The following ANXA8 variants were observed in gnomAD, a reference collection of about 807,000 sequenced individuals.
ANXA8 encodes the protein annexin A8, also known as VAC-beta.
A neutral mutation model predicts 26.8 loss-of-function variants in ANXA8; 9 were observed. The ratio of observed to expected loss-of-function variants is 0.34; its 90% confidence interval spans 0.20 to 0.59. ANXA8 has a LOEUF of 0.59. Ranked by LOEUF, ANXA8 falls within the 20% of genes least tolerant of loss-of-function variation. The pLI, the probability that ANXA8 is intolerant of heterozygous loss-of-function variation, is 0.84. For synonymous variants in ANXA8, 39 were observed against 94.8 expected (o/e 0.41, Z 3.42); for missense variants, 83 against 238.5 (o/e 0.35, Z 4.29).
chr10:47,945,454 C>T, the ANXA8 span, among the ~76,000 whole-genome samples: 48 of 150,950 alleles, frequency 3.2e-4, no homozygotes, highest in East Asian at 2.0e-3. Flanking sequence ...TTTGCCCACC[C>T]GCTGCTGCCT....
At chr10:47,514,616 TAATA>T in the ANXA8 span, among the ~76,000 whole-genome samples, 12 of 64,592 alleles carry the variant, frequency 1.9e-4, 1 homozygote, top group African/African-American at 8.8e-4. Context: ...CCTATGGAAA[TAATA>T]AATAAATAAA....
the ANXA8 span, among the ~76,000 whole-genome samples, chr10:47,651,624 G>C: frequency 6.7e-6 from 1 of 150,094 alleles, no homozygotes; most frequent in Non-Finnish European, 1.5e-5. Flanking sequence ...GCTGGGTGTG[G>C]TGGCACACAC....
the ANXA8 span, among the ~76,000 whole-genome samples, chr10:47,694,915 A>G: frequency 1.2e-4 from 18 of 151,508 alleles, no homozygotes; most frequent in African/African-American, 4.4e-4. Flanking sequence ...TAAAGGACAA[A>G]CAGAATAAGG....
At chr10:47,555,216 T>C in the ANXA8 span, among the ~76,000 whole-genome samples, 40 of 151,946 alleles carry the variant, frequency 2.6e-4, no homozygotes, top group African/African-American at 8.7e-4. Context: ...AGTTTTATTA[T>C]AGAGTAACTC....
At chr10:47,683,139 CATCTT>C in the ANXA8 span, among the ~76,000 whole-genome samples, 1 of 151,520 alleles carries the variant, frequency 6.6e-6, no homozygotes, top group Admixed American at 6.6e-5. Flanking sequence ...GGAAAAAAAT[CATCTT>C]ATATCTTTTC....
chr10:47,488,712 AAT>A (rs1491400743), upstream of ANXA8, among the ~76,000 whole-genome samples: 2,779 of 95,274 alleles, frequency 0.029, 146 homozygotes, highest in Non-Finnish European at 0.039. Context: ...TTACATGTTA[AAT>A]TTTTTTTTTT....
At chr10:47,960,550 G>C in the ANXA8 span, among the ~76,000 whole-genome samples, 3,206 of 149,560 alleles carry the variant, frequency 0.021, 108 homozygotes, top group Middle Eastern at 0.055. Context: ...TAAGAAGCTG[G>C]GGCAAGAGTA....
At position 47,469,985 on chromosome 10, in the gene ANXA8, C is replaced by A. The variant is rs1470301403; in HGVS notation, c.925-1079G>T. Among the ~76,000 whole-genome samples the A allele has an allele frequency of 2.6e-4, 39 of 151,700 alleles. 1 individual carries two copies. The highest frequency in any genetic ancestry group is 9.5e-4 in the African/African-American group (39 of 41,038). ...CCTTGGACTCCTGGGCTCAAGCGAT[C>A]CTCCCGCGTTGGCCTCCCAAAGCAC... is the stretch of plus-strand genomic sequence containing the variant. On this transcript the variant is annotated intron_variant, in intron 11 of 11. Transcript: ENST00000585281.
chr10:47,654,017 C>A, the ANXA8 span, among the ~76,000 whole-genome samples: 3 of 151,604 alleles, frequency 2.0e-5, no homozygotes, highest in Admixed American at 6.6e-5. Context: ...GAGTAGGGTC[C>A]AGTATACAGC....
At chr10:47,907,300 T>C in the ANXA8 span, among the ~76,000 whole-genome samples, 6 of 152,100 alleles carry the variant, frequency 3.9e-5, no homozygotes, top group African/African-American at 1.4e-4. Context: ...GAGCTTGCAG[T>C]GAGCCGAGAT....
At chr10:47,772,581 T>G in the ANXA8 span, among the ~76,000 whole-genome samples, 1 of 152,014 alleles carries the variant, frequency 6.6e-6, no homozygotes, top group African/African-American at 2.4e-5. Context: ...GGATTTCAAT[T>G]CCAATTTTAC....
At chr10:47,681,602 G>C in the ANXA8 span, among the ~76,000 whole-genome samples, 1 of 122,982 alleles carries the variant, frequency 8.1e-6, no homozygotes, top group Middle Eastern at 4.1e-3. Context: ...CACAATCACG[G>C]CTTACTGTAG....
the ANXA8 span, among the ~76,000 whole-genome samples, chr10:47,559,496 A>G: frequency 6.6e-6 from 1 of 151,706 alleles, no homozygotes; most frequent in Non-Finnish European, 1.5e-5. Flanking sequence ...TATATTTTTG[A>G]TAGTTATCTT....
the ANXA8 span, among the ~76,000 whole-genome samples, chr10:47,495,945 G>A: frequency 1.3e-5 from 2 of 151,562 alleles, no homozygotes; most frequent in African/African-American, 4.9e-5. Flanking sequence ...GGTGGTGCCC[G>A]GGGAAGTCCA....
At chr10:47,756,940 A>C in the ANXA8 span, among the ~76,000 whole-genome samples, 1 of 139,910 alleles carries the variant, frequency 7.1e-6, no homozygotes, top group African/African-American at 2.7e-5. Flanking sequence ...CTGCCTCGGG[A>C]AACAGGAGGG....
chr10:47,957,548 G>A, the ANXA8 span, among the ~76,000 whole-genome samples: 3,122 of 149,722 alleles, frequency 0.021, 128 homozygotes, highest in African/African-American at 0.074. Flanking sequence ...TTCCAACCCA[G>A]GCACTTTTGA....
At chr10:47,617,150 T>C in the ANXA8 span, among the ~76,000 whole-genome samples, 1 of 61,458 alleles carries the variant, frequency 1.6e-5, no homozygotes, top group Non-Finnish European at 3.6e-5. Context: ...CATAAATATG[T>C]ATAAGGATTC....
chr10:47,669,581 G>A, the ANXA8 span, among the ~76,000 whole-genome samples: 5 of 151,670 alleles, frequency 3.3e-5, no homozygotes, highest in Non-Finnish European at 7.4e-5. Flanking sequence ...CCGGTGTGGT[G>A]GTGCACGCCT....
the ANXA8 span, among the ~76,000 whole-genome samples, chr10:47,937,111 C>T: frequency 3.3e-5 from 5 of 149,888 alleles, no homozygotes; most frequent in African/African-American, 1.2e-4. Context: ...CCTCCTCTCG[C>T]CGCCCAGATC....
Sources: allele counts gnomAD v4.1 joint callset (sites outside exome capture counted in the v4.1 genomes callset), GRCh38; gene constraint gnomAD v4.1.1; transcripts MANE v1.5; gene names NCBI Gene and HGNC (gene_info 2026-07-23, HGNC 2026-07-21).